The following HTR6 variants were observed in gnomAD, a reference collection of about 807,000 sequenced individuals.
HTR6 encodes the protein 5-hydroxytryptamine receptor 6.
In HTR6, 15 loss-of-function variants were observed where a neutral mutation model predicts 17.4. That is an observed-to-expected ratio of 0.86 (90% confidence interval 0.58 to 1.33). HTR6 has a LOEUF of 1.33. HTR6 is among the 40% of genes most tolerant of loss of function. The pLI is 0.00. For missense variants in HTR6, 578 were observed against 616.0 expected, an observed-to-expected ratio of 0.94 and a Z score of 0.65; for synonymous variants, 326 against 295.5, an observed-to-expected ratio of 1.10 and a Z score of -1.06.
intron 1 of HTR6, among the ~76,000 whole-genome samples, chr1:19,668,271 G>A (rs1237697963): frequency 6.6e-6 from 1 of 152,116 alleles, no homozygotes; most frequent in Non-Finnish European, 1.5e-5. Context: ...TTTTTTAAGA[G>A]ACAGGGTCTT....
At chr1:19,671,418 T>A (rs751887561) in intron 1 of HTR6, among the ~76,000 whole-genome samples, 1 of 152,172 alleles carries the variant, frequency 6.6e-6, no homozygotes, top group Non-Finnish European at 1.5e-5. Context: ...TCAAATCCAC[T>A]CGGCTCCTTA....
rs931510845 is a variant in HTR6 at position 19,666,474 on chromosome 1, G to A, written c.714+7G>A. On this transcript the variant is annotated splice_region_variant and intron_variant, in intron 1 of 2. Transcript: ENST00000289753. This position sits in a 1 kb window ranked among gnomAD's most constrained non-coding sequence, Gnocchi z 4.5. ...GGCCTCGGAGACGCTGCAGGTACCTGGGGTGCGCAGGGAGACCCGGGCTGT... is the reference window on the plus strand; with the variant it reads ...GGCCTCGGAGACGCTGCAGGTACCTAGGGTGCGCAGGGAGACCCGGGCTGT... The A allele has an allele frequency of 1.3e-6, 2 of 1,589,054 alleles. No individual in the cohort carries two copies. The highest frequency in any genetic ancestry group is 1.7e-6 in the Non-Finnish European group (2 of 1,167,854).
At chr1:19,672,166 C>G (rs1038359308) in intron 1 of HTR6, among the ~76,000 whole-genome samples, 1 of 151,888 alleles carries the variant, frequency 6.6e-6, no homozygotes, top group Non-Finnish European at 1.5e-5. Flanking sequence ...ATTTCTGGGT[C>G]TCTGTGGTCC....
In HTR6 at chr1:19,666,260, GGGCCACGCAC is replaced by G; in HGVS notation, c.514_523del (p.Ala172ProfsTer39). ...CCCTGCTGCTGGGCTGGCACGAGCT[GGGCCACGCAC>G]GGCCACCCGTCCCTGGCCAGTGCCG... On this transcript the variant is annotated frameshift_variant, in exon 1 of 3. Transcript: ENST00000289753. LOFTEE classifies it high-confidence loss of function. The surrounding 1 kb of genome is among the most constrained non-coding windows in gnomAD (Gnocchi z 4.5). 1 of 1,609,800 alleles carries G rather than the reference GGGCCACGCAC, an allele frequency of 6.2e-7. No individual in the cohort carries two copies. The highest frequency in any genetic ancestry group is 8.5e-7 in the Non-Finnish European group (1 of 1,179,574).
At position 19,665,426 on chromosome 1, in the gene HTR6, C is replaced by G. The variant is rs1376627778; in HGVS notation, c.-328C>G. On this transcript the variant is annotated 5_prime_UTR_variant, in exon 1 of 3. Transcript: ENST00000289753. The surrounding 1 kb of genome is among the most constrained non-coding windows in gnomAD (Gnocchi z 4.2). ...CTGCTCCCACCCCAGGGAGCCCATC[C>G]GACCTCTGCTTGACTTCCCGCCGCT... 4 of 268,496 alleles carry G rather than the reference C, an allele frequency of 1.5e-5. No individual in the cohort carries two copies. Among genetic ancestry groups the G allele is most frequent in the Admixed American group, 5.5e-5 (1 of 18,154 alleles). The allele number at this position is 268,496 out of a possible 1,614,324, so 16.6% of individuals were successfully genotyped here. A position where few individuals can be genotyped will look rare whatever the true frequency, so the allele number is the denominator to read the frequency against.
intron 1 of HTR6, among the ~76,000 whole-genome samples, chr1:19,667,521 T>G (rs998712166): frequency 3.9e-5 from 6 of 152,138 alleles, no homozygotes; most frequent in African/African-American, 1.4e-4. Flanking sequence ...GTTTAAGCGA[T>G]TCTTCTGCCT....
chr1:19,667,814 T>C (rs1050004037), intron 1 of HTR6, among the ~76,000 whole-genome samples: 1 of 152,008 alleles, frequency 6.6e-6, no homozygotes, highest in Non-Finnish European at 1.5e-5. Flanking sequence ...CCTGGAGGGG[T>C]GGGTGTGTAG....
At chr1:19,678,833 T>C in intron 2 of HTR6, 86 bp from the exon 3 acceptor site, 1 of 1,554,806 alleles carries the variant, frequency 6.4e-7, no homozygotes, top group Non-Finnish European at 8.7e-7. Context: ...GTGGTGCGTG[T>C]GTGTGTGTGT....
At position 19,679,048 on chromosome 1, in the gene HTR6, C is replaced by T; in HGVS notation, c.1003C>T (p.Leu335=). The change falls in exon 3 of 3, where the codon CTG becomes TTG. Residue 335 remains leucine, a synonymous_variant. Transcript: ENST00000289753. The surrounding 1 kb of genome is among the most constrained non-coding windows in gnomAD (Gnocchi z 4.9). ...CTTCAAGCGGGCGCTGGGCAGGTTC[C>T]TGCCATGTCCACGCTGTCCCCGGGA... is the stretch of plus-strand genomic sequence containing the variant. ...RDFKRALGRF[L]PCPRCPRERQ... is the part of the protein sequence containing the mutation. 6 of 1,614,142 alleles carry T rather than the reference C, an allele frequency of 3.7e-6. No homozygotes were observed. Among genetic ancestry groups the T allele is most frequent in the Non-Finnish European group, 5.1e-6 (6 of 1,179,978 alleles).
Position 19,665,461 on chromosome 1 carries a change from G to A in HTR6, c.-293G>A, listed in dbSNP as rs1236234460. 2 of 352,850 alleles carry A rather than the reference G, an allele frequency of 5.7e-6. No homozygotes were observed. The highest frequency in any genetic ancestry group is 1.1e-4 in the South Asian group (1 of 9,464). The allele number at this position is 352,850 out of a possible 1,614,324, so 21.9% of individuals were successfully genotyped here. On this transcript the variant is annotated 5_prime_UTR_variant, in exon 1 of 3. Transcript: ENST00000289753. The surrounding 1 kb of genome is among the most constrained non-coding windows in gnomAD (Gnocchi z 4.2). ...TTGACTTCCCGCCGCTTCCTTCAGG[G>A]GCCTCGGCTCATCGGGTGCCCCTCC... is the stretch of plus-strand genomic sequence containing the variant.
Position 19,665,509 on chromosome 1 carries a change from C to A in HTR6, c.-245C>A. 2.3e-6 allele frequency: 1 copy of A among 427,730 alleles called. No individual in the cohort carries two copies. The highest frequency in any genetic ancestry group is 4.1e-6 in the Non-Finnish European group (1 of 246,552). The allele number at this position is 427,730 out of a possible 1,614,324, so 26.5% of individuals were successfully genotyped here. A position where few individuals can be genotyped will look rare whatever the true frequency, so the allele number is the denominator to read the frequency against. ...TCCCCAAACTTCCAACCCGTTTGCT[C>A]CAGGAGTTCCTGCCCCATCCCCGAG... On this transcript the variant is annotated 5_prime_UTR_variant, in exon 1 of 3. Coordinates refer to ENST00000289753, the MANE Select transcript of HTR6 (RefSeq NM_000871.3). This position sits in a 1 kb window ranked among gnomAD's most constrained non-coding sequence, Gnocchi z 4.2.
At chr1:19,668,395 T>A (rs1014693599) in intron 1 of HTR6, among the ~76,000 whole-genome samples, 3 of 152,110 alleles carry the variant, frequency 2.0e-5, no homozygotes, top group Non-Finnish European at 4.4e-5. Flanking sequence ...ACTGGCCCGA[T>A]CATAACTCAC....
At chr1:19,677,772 T>A (rs2095096151) in intron 1 of HTR6, among the ~76,000 whole-genome samples, 1 of 152,230 alleles carries the variant, frequency 6.6e-6, no homozygotes, top group Non-Finnish European at 1.5e-5. Context: ...AGAGTCTCGC[T>A]CTGTCACCCA....
chr1:19,674,957 G>A (rs1206073695), intron 1 of HTR6, among the ~76,000 whole-genome samples: 2 of 152,340 alleles, frequency 1.3e-5, no homozygotes, highest in Admixed American at 6.5e-5. Flanking sequence ...GTGCTTATGG[G>A]GGAGAGAGAA....
rs2095080682 is a variant in HTR6 at position 19,665,789 on chromosome 1, C to G, written c.36C>G (p.Thr12=). 4 of 1,506,730 alleles carry G rather than the reference C, an allele frequency of 2.7e-6. No homozygotes were observed. Among genetic ancestry groups the G allele is most frequent in the Non-Finnish European group, 2.6e-6 (3 of 1,136,864 alleles). 93.3% of individuals were successfully genotyped at this position (1,506,730 alleles called of 1,614,324 possible). ...VPEPGPTANS[T]PAWGAGPPSA... ...AGCCGGGCCCAACCGCCAATAGCAC[C>G]CCGGCCTGGGGGGCAGGGCCGCCGT... Residue 12 remains threonine, a synonymous_variant, in exon 1 of 3, where the codon ACC becomes ACG. Transcript: ENST00000289753. This position sits in a 1 kb window ranked among gnomAD's most constrained non-coding sequence, Gnocchi z 4.2.
chr1:19,667,149 G>A (rs545205804), intron 1 of HTR6, among the ~76,000 whole-genome samples: 4 of 152,180 alleles, frequency 2.6e-5, no homozygotes, highest in East Asian at 1.9e-4. Context: ...CCTTTCTCAC[G>A]GTTCTAGAAG....
chr1:19,672,507 G>A (rs2100472288), intron 1 of HTR6, among the ~76,000 whole-genome samples: 1 of 152,262 alleles, frequency 6.6e-6, no homozygotes, highest in Middle Eastern at 3.4e-3. Flanking sequence ...GAGCATGGCA[G>A]GCTTGGCTGC....
chr1:19,677,153 G>A (rs1425544959), intron 1 of HTR6, among the ~76,000 whole-genome samples: 1 of 151,998 alleles, frequency 6.6e-6, no homozygotes, highest in Non-Finnish European at 1.5e-5. Flanking sequence ...AGTGTGAAAC[G>A]TTGTTTTCTT....
Position 19,666,046 on chromosome 1 carries a change from T to A in HTR6, c.293T>A (p.Leu98His). 1.2e-6 allele frequency: 2 copies of A among 1,613,414 alleles called. No individual in the cohort carries two copies. The highest frequency in any genetic ancestry group is 1.7e-6 in the Non-Finnish European group (2 of 1,179,796). Residue 98 changes from leucine to histidine, a missense_variant, in exon 1 of 3, where the codon CTC becomes CAC. Coordinates refer to ENST00000289753, the MANE Select transcript of HTR6 (RefSeq NM_000871.3). The surrounding 1 kb of genome is among the most constrained non-coding windows in gnomAD (Gnocchi z 4.5). ...LYGRWVLARG[L>H]CLLWTAFDVM... is the part of the protein sequence containing the mutation. ...GGGCGCTGGGTGCTGGCGCGCGGCC[T>A]CTGCCTGCTCTGGACCGCCTTCGAC...
Sources: gnomAD v4.1 joint callset for allele counts (sites outside exome capture counted in the v4.1 genomes callset) on GRCh38, gnomAD v4.1.1 for gene constraint, Gnocchi (gnomAD v3.1) non-coding constraint, MANE v1.5 for transcripts, NCBI Gene and HGNC (gene_info 2026-07-23, HGNC 2026-07-21) for gene names.